UNC5C: variants seen among roughly 807,000 people sequenced by gnomAD.
UNC5C encodes the protein unc-5 netrin receptor C, also known as netrin receptor UNC5C.
Under a neutral mutation model 99.8 loss-of-function variants are expected in UNC5C, and 47 were observed. The observed-to-expected ratio is 0.47, with a 90% CI of 0.37 to 0.60. The LOEUF is 0.60. UNC5C is among the 20% of genes least tolerant of loss of function. UNC5C has a pLI of 0.00. For synonymous variants in UNC5C, 487 were observed against 452.2 expected (o/e 1.08, Z -0.98); for missense variants, 1,062 against 1,165.9 (o/e 0.91, Z 1.30).
At chr4:95,445,907 C>A (rs978229858) in intron 1 of UNC5C, among the ~76,000 whole-genome samples, 1 of 151,868 alleles carries the variant, frequency 6.6e-6, no homozygotes, top group Admixed American at 6.6e-5. Flanking sequence ...TAAGATAGCA[C>A]CACCGGAAGT....
At chr4:95,368,765 T>C (rs1744655913) in intron 1 of UNC5C, among the ~76,000 whole-genome samples, 2 of 152,226 alleles carry the variant, frequency 1.3e-5, no homozygotes, top group Admixed American at 1.3e-4. Context: ...AACAAGGGAA[T>C]TTTAATGATA....
At chr4:95,489,864 A>C (rs187362854) in intron 1 of UNC5C, among the ~76,000 whole-genome samples, 22 of 151,860 alleles carry the variant, frequency 1.4e-4, no homozygotes, top group Admixed American at 2.6e-4. Context: ...TTAACTATGC[A>C]GATGAGTGTA....
intron 2 of UNC5C, 79 bp from the exon 3 acceptor site, chr4:95,301,828 C>A (rs1402707583): frequency 1.3e-6 from 2 of 1,507,020 alleles, no homozygotes; most frequent in African/African-American, 2.8e-5. Flanking sequence ...CATATTTTTC[C>A]CCCAGTCATC....
intron 1 of UNC5C, among the ~76,000 whole-genome samples, chr4:95,382,532 A>G (rs1404056883): frequency 1.3e-5 from 2 of 152,138 alleles, no homozygotes; most frequent in African/African-American, 4.8e-5. Flanking sequence ...ATCTTTTGAG[A>G]ATAGACAATA....
intron 1 of UNC5C, among the ~76,000 whole-genome samples, chr4:95,532,761 A>C (rs986142230): frequency 5.8e-4 from 89 of 152,274 alleles, no homozygotes; most frequent in African/African-American, 1.8e-3. Flanking sequence ...CTGGGGCTGC[A>C]CTGGAACAGC....
chr4:95,335,575 G>A lies in UNC5C; in HGVS notation c.181C>T (p.Leu61=), dbSNP rs1219905767. The change falls in exon 2 of 16, where the codon CTG becomes TTG. Residue 61 remains leucine, a synonymous_variant. Transcript: ENST00000453304. ...ETFPSDPPEP[L]PHFLIEPEEA... is the part of the protein sequence containing the mutation. ...TCAGGCTCAATAAGGAAATGTGGCA[G>A]AGGCTCAGGTGGATCAGAAGGAAAA... is the stretch of plus-strand genomic sequence containing the variant. 6.2e-7 allele frequency: 1 copy of A among 1,612,134 alleles called. No individual in the cohort carries two copies. The highest frequency in any genetic ancestry group is 1.3e-5 in the African/African-American group (1 of 74,836).
chr4:95,438,556 G>C (rs1347960799), intron 1 of UNC5C, among the ~76,000 whole-genome samples: 1 of 152,046 alleles, frequency 6.6e-6, no homozygotes, highest in Non-Finnish European at 1.5e-5. Flanking sequence ...TTAGCTTTTT[G>C]CTGATACATA....
chr4:95,376,186 CTCATA>C (rs1446512670), intron 1 of UNC5C, among the ~76,000 whole-genome samples: 1 of 151,530 alleles, frequency 6.6e-6, no homozygotes, highest in Non-Finnish European at 1.5e-5. Context: ...ACACATACAT[CTCATA>C]TATGTATGAA....
At chr4:95,489,275 C>T (rs1344899025) in intron 1 of UNC5C, among the ~76,000 whole-genome samples, 1 of 151,610 alleles carries the variant, frequency 6.6e-6, no homozygotes, top group African/African-American at 2.4e-5. Context: ...ACACTGCAAA[C>T]AGGAACCAAA....
chr4:95,189,700 CAAAAG>C (rs1553951109), intron 12 of UNC5C, among the ~76,000 whole-genome samples: 2 of 150,774 alleles, frequency 1.3e-5, no homozygotes, highest in Non-Finnish European at 2.9e-5. Context: ...AGACACTTCT[CAAAAG>C]AAGACATTTA....
intron 1 of UNC5C, among the ~76,000 whole-genome samples, chr4:95,359,984 C>T (rs1744337070): frequency 1.3e-5 from 2 of 152,092 alleles, no homozygotes; most frequent in Non-Finnish European, 2.9e-5. Context: ...ATTAACTTGC[C>T]CAATGTTTAT....
intron 1 of UNC5C, 65 bp from the exon 2 acceptor site, chr4:95,335,696 G>T: frequency 7.6e-7 from 1 of 1,322,400 alleles, no homozygotes. Context: ...CTACTTGCTA[G>T]TCATGTAAAA....
rs553124796 is a variant in UNC5C, at chr4:95,453,214, T to C, written c.124+95520A>G. 1.5e-4 allele frequency among the ~76,000 whole-genome samples: 23 copies of C among 152,242 alleles called. No homozygotes were observed. The South Asian group carries it at 4.8e-3, about 32-fold the overall frequency. On this transcript the variant is annotated intron_variant, in intron 1 of 15. Coordinates refer to ENST00000453304, the MANE Select transcript of UNC5C (RefSeq NM_003728.4). ...TGGGGGTGGGTTGAGAGACAAGTGT[T>C]GTGCAAGAGGAAAGAAAGCCTAGTG...
At chr4:95,287,158 GT>G (rs1741266370) in intron 3 of UNC5C, among the ~76,000 whole-genome samples, 1 of 152,180 alleles carries the variant, frequency 6.6e-6, no homozygotes, top group Admixed American at 6.5e-5. Flanking sequence ...GAGTAAAGCT[GT>G]TTTTGTTAGT....
rs769620867 is a variant in UNC5C, at chr4:95,170,279, C to T, written c.2505G>A (p.Thr835=). 5.0e-6 allele frequency: 8 copies of T among 1,613,976 alleles called. No homozygotes were observed. Among genetic ancestry groups the T allele is most frequent in the Admixed American group, 1.7e-5 (1 of 60,000 alleles). ...PLLDPANTIT[T]VTGPSAFSIP... ...TGCTGAAAGCACTGGGCCCCGTGAC[C>T]GTGGTGATGGTGTTCGCAGGATCCA... The change falls in exon 15 of 16, where the codon ACG becomes ACA. Residue 835 remains threonine (T), a synonymous_variant. Coordinates refer to ENST00000453304, the MANE Select transcript of UNC5C (RefSeq NM_003728.4).
intron 1 of UNC5C, among the ~76,000 whole-genome samples, chr4:95,397,072 G>A (rs558770379): frequency 6.6e-6 from 1 of 152,248 alleles, no homozygotes; most frequent in South Asian, 2.1e-4. Context: ...AAAAAGGAAG[G>A]GTGGGCAGTC....
rs1473139408 is a variant in UNC5C at position 95,245,001 on chromosome 4, T to C, written c.919A>G (p.Ile307Val). ...AFCEGQSVQKIACTTLCPVDG... is the reference protein window; with the variant it reads ...AFCEGQSVQKVACTTLCPVDG... Reference sequence around the variant, plus strand: ...CCTGGGCATAACGTAGTACAGGCTATTTTCTGCACACTCTGCCCTTCACAG... The same window carrying C: ...CCTGGGCATAACGTAGTACAGGCTACTTTCTGCACACTCTGCCCTTCACAG... The change falls in exon 6 of 16, where the codon ATA (isoleucine) becomes GTA (valine). Residue 307 changes from isoleucine (I) to valine (V), a missense_variant. Ile to Val is a conservative substitution (Grantham distance 29, BLOSUM62 3). Coordinates refer to ENST00000453304, the MANE Select transcript of UNC5C (RefSeq NM_003728.4). 1.2e-6 allele frequency: 2 copies of C among 1,613,888 alleles called. No individual in the cohort carries two copies.
At chr4:95,254,433 C>T (rs1219317692) in intron 4 of UNC5C, among the ~76,000 whole-genome samples, 1 of 152,118 alleles carries the variant, frequency 6.6e-6, no homozygotes, top group African/African-American at 2.4e-5. Context: ...AAGCTAAATC[C>T]AACCCACAAA....
chr4:95,418,915 C>T (rs1746243649), intron 1 of UNC5C, among the ~76,000 whole-genome samples: 1 of 152,132 alleles, frequency 6.6e-6, no homozygotes, highest in African/African-American at 2.4e-5. Flanking sequence ...CCCCTGCCTC[C>T]TGCCCCGACT....
Sources: gnomAD v4.1 joint callset for allele counts (sites outside exome capture counted in the v4.1 genomes callset) on GRCh38, gnomAD v4.1.1 for gene constraint, MANE v1.5 for transcripts, NCBI Gene and HGNC (gene_info 2026-07-23, HGNC 2026-07-21) for gene names.